Variants in NCALD observed in about 807,000 individuals in gnomAD.
NCALD encodes the protein neurocalcin delta.
NCALD carries 10 observed loss-of-function variants against 18.6 expected under a neutral mutation model. The ratio of observed to expected loss-of-function variants is 0.54; its 90% CI spans 0.33 to 0.91. The LOEUF is 0.91. Among genes scored for constraint, NCALD ranks in the 40% least tolerant of loss-of-function variants. NCALD has a pLI of 0.03. For synonymous variants in NCALD, 88 were observed against 87.4 expected, an observed-to-expected ratio of 1.01 and a Z score of -0.04; for missense variants, 184 against 247.6, an observed-to-expected ratio of 0.74 and a Z score of 1.72.
At chr8:101,955,388 C>T (rs11782579) in intron 2 of NCALD, among the ~76,000 whole-genome samples, 2 of 152,058 alleles carry the variant, frequency 1.3e-5, no homozygotes, top group African/African-American at 4.8e-5. Context: ...ATCTTGGAGC[C>T]TAGAACAAGG....
intron 1 of NCALD, among the ~76,000 whole-genome samples, chr8:102,104,028 C>A (rs1013167262): frequency 6.6e-6 from 1 of 152,158 alleles, no homozygotes; most frequent in Non-Finnish European, 1.5e-5. Context: ...CACACGCATA[C>A]GCATACAAAC....
chr8:101,888,712 C>T (rs1012249879), intron 3 of NCALD, among the ~76,000 whole-genome samples: 1 of 152,112 alleles, frequency 6.6e-6, no homozygotes, highest in African/African-American at 2.4e-5. Context: ...CCACCACACC[C>T]AGCCTGAACT....
At chr8:102,102,726 C>T (rs2132419705) in intron 1 of NCALD, among the ~76,000 whole-genome samples, 1 of 152,250 alleles carries the variant, frequency 6.6e-6, no homozygotes, top group East Asian at 1.9e-4. Flanking sequence ...TCTGCCCAAC[C>T]CCAGCGGATG....
intron 3 of NCALD, among the ~76,000 whole-genome samples, chr8:101,890,277 TTTAA>T (rs1816824719): frequency 6.6e-6 from 1 of 152,198 alleles, no homozygotes; most frequent in Admixed American, 6.5e-5. Context: ...CAACCTCATC[TTTAA>T]TTAAGAAAAT....
At chr8:101,990,672 C>T (rs1426614953) in intron 2 of NCALD, among the ~76,000 whole-genome samples, 3 of 152,144 alleles carry the variant, frequency 2.0e-5, no homozygotes, top group Non-Finnish European at 4.4e-5. Flanking sequence ...CCTTCTGCCA[C>T]GATTGTGAGG....
rs530984634 is a variant in NCALD, at chr8:101,968,457, G to A, written c.-157+51780C>T. 1.1e-4 allele frequency among the ~76,000 whole-genome samples: 17 copies of A among 152,248 alleles called. No individual in the cohort carries two copies. The East Asian group carries it at 1.5e-3, about 14-fold the overall frequency. ...GAGTTTAATCATCTAGGACTAAGCCGTGGTAAACAAAAACTCATAAACTCA... is the reference window on the plus strand; with the variant it reads ...GAGTTTAATCATCTAGGACTAAGCCATGGTAAACAAAAACTCATAAACTCA... On this transcript the variant is annotated intron_variant, in intron 2 of 6. Transcript: ENST00000311028.
At chr8:102,008,695 A>G (rs1159216888) in intron 2 of NCALD, among the ~76,000 whole-genome samples, 1 of 152,068 alleles carries the variant, frequency 6.6e-6, no homozygotes, top group Non-Finnish European at 1.5e-5. Context: ...TACCCAATTA[A>G]CTACCCCAGA....
At chr8:101,893,398 A>C (rs1190107154) in intron 3 of NCALD, among the ~76,000 whole-genome samples, 1 of 149,754 alleles carries the variant, frequency 6.7e-6, no homozygotes, top group Non-Finnish European at 1.5e-5. Flanking sequence ...AGTACCAGCC[A>C]CTGCAAAATC....
chr8:102,049,705 T>C (rs1411868416), intron 1 of NCALD, among the ~76,000 whole-genome samples: 2 of 152,184 alleles, frequency 1.3e-5, no homozygotes, highest in Non-Finnish European at 2.9e-5. Context: ...CAGCATTTGG[T>C]TGGTGTCCCG....
intron 2 of NCALD, among the ~76,000 whole-genome samples, chr8:101,964,358 C>T (rs577399952): frequency 6.6e-6 from 1 of 152,306 alleles, no homozygotes; most frequent in South Asian, 2.1e-4. Flanking sequence ...CAATAACCCT[C>T]TGATTTCATT....
chr8:102,007,109 T>G (rs1246741440), intron 2 of NCALD, among the ~76,000 whole-genome samples: 1 of 152,160 alleles, frequency 6.6e-6, no homozygotes, highest in East Asian at 1.9e-4. Flanking sequence ...TAAGGAGATA[T>G]GAGGACTAAA....
chr8:101,990,888 T>C (rs1821020446), intron 2 of NCALD, among the ~76,000 whole-genome samples: 1 of 152,148 alleles, frequency 6.6e-6, no homozygotes, highest in South Asian at 2.1e-4. Context: ...TAAAAGTAAC[T>C]TGCAGAACAA....
At chr8:101,892,341 T>C (rs1347245716) in intron 3 of NCALD, among the ~76,000 whole-genome samples, 1 of 146,696 alleles carries the variant, frequency 6.8e-6, no homozygotes, top group Non-Finnish European at 1.5e-5. Context: ...AGAAAGGACA[T>C]CCACACCAAA....
intron 4 of NCALD, among the ~76,000 whole-genome samples, chr8:101,812,179 G>A (rs982766920): frequency 2.6e-5 from 4 of 152,166 alleles, no homozygotes; most frequent in African/African-American, 4.8e-5. Context: ...TCTCTCTTAA[G>A]AGGCAGTGTG....
chr8:101,827,440 T>A, intron 4 of NCALD, among the ~76,000 whole-genome samples: 1 of 152,186 alleles, frequency 6.6e-6, no homozygotes, highest in East Asian at 1.9e-4. Context: ...ACTATAACTA[T>A]CCAAAGCCAC....
chr8:102,074,625 C>T (rs1824282811), intron 1 of NCALD, among the ~76,000 whole-genome samples: 1 of 152,106 alleles, frequency 6.6e-6, no homozygotes, highest in Admixed American at 6.5e-5. Context: ...GATTTATGGC[C>T]ATCAACCCTG....
intron 1 of NCALD, among the ~76,000 whole-genome samples, chr8:102,105,778 T>A (rs572083063): frequency 5.3e-5 from 8 of 152,174 alleles, no homozygotes; most frequent in African/African-American, 1.9e-4. Flanking sequence ...TGGTTAGAAA[T>A]CATGGCTCCA....
At chr8:102,014,941 A>T (rs1453293886) in intron 2 of NCALD, among the ~76,000 whole-genome samples, 1 of 152,100 alleles carries the variant, frequency 6.6e-6, no homozygotes, top group Non-Finnish European at 1.5e-5. Flanking sequence ...CATTTCTAAC[A>T]AGATCTCAGT....
At chr8:101,961,270 G>T (rs184802936) in intron 2 of NCALD, among the ~76,000 whole-genome samples, 1 of 152,090 alleles carries the variant, frequency 6.6e-6, no homozygotes, top group East Asian at 1.9e-4. Flanking sequence ...TAACATTGTG[G>T]TATAATAAAA....
Sources: gnomAD v4.1 joint callset for allele counts (sites outside exome capture counted in the v4.1 genomes callset) on GRCh38, gnomAD v4.1.1 for gene constraint, MANE v1.5 for transcripts, NCBI Gene and HGNC (gene_info 2026-07-23, HGNC 2026-07-21) for gene names.